ZFHX3: variants seen among roughly 807,000 people sequenced by gnomAD.
The protein encoded by ZFHX3 is zinc finger homeobox 3.
ZFHX3 carries 42 observed loss-of-function variants against 279.1 expected under a neutral mutation model. That is an observed-to-expected ratio of 0.15 (90% confidence interval 0.12 to 0.19). The LOEUF is 0.19. Among genes scored for constraint, ZFHX3 ranks in the 10% least tolerant of loss-of-function variants. The probability of loss-of-function intolerance (pLI) is 1.00; values close to 1 mark genes in which losing one functional copy is unlikely to be tolerated. For missense variants in ZFHX3, 4,981 were observed against 4,754.0 expected (o/e 1.05, Z -1.40); for synonymous variants, 2,293 against 1,957.8 (o/e 1.17, Z -4.52).
exon 1 of ZFHX3, chr16:73,059,419 GA>G (rs1965649308): frequency 6.7e-6 from 1 of 149,668 alleles, no homozygotes; most frequent in Admixed American, 6.7e-5. Flanking sequence ...CCGAGAAGTG[GA>G]ATGCATAGGA....
At chr16:73,638,596 T>C (rs929559523) in intron 2 of ZFHX3, among the ~76,000 whole-genome samples, 1 of 152,190 alleles carries the variant, frequency 6.6e-6, no homozygotes, top group African/African-American at 2.4e-5. Flanking sequence ...TTACATACAG[T>C]TTGCCTTCAA....
At chr16:73,391,247 A>G (rs1457702769) in intron 3 of ZFHX3, among the ~76,000 whole-genome samples, 2 of 152,096 alleles carry the variant, frequency 1.3e-5, no homozygotes, top group Non-Finnish European at 2.9e-5. Flanking sequence ...AGGCCAAGGC[A>G]TGCAGATGAG....
At chr16:73,458,633 G>C (rs1016265479) in intron 2 of ZFHX3, among the ~76,000 whole-genome samples, 1 of 151,994 alleles carries the variant, frequency 6.6e-6, no homozygotes, top group East Asian at 1.9e-4. Flanking sequence ...CTTTTGAACT[G>C]CTCTTTAGAC....
chr16:73,094,203 G>T (rs1160917941), intron 7 of ZFHX3, among the ~76,000 whole-genome samples: 1 of 152,096 alleles, frequency 6.6e-6, no homozygotes, highest in Non-Finnish European at 1.5e-5. Flanking sequence ...GGAAACACAG[G>T]CATAGTTTAG....
chr16:73,673,619 T>C (rs570130094), intron 2 of ZFHX3, among the ~76,000 whole-genome samples: 1 of 152,200 alleles, frequency 6.6e-6, no homozygotes, highest in African/African-American at 2.4e-5. Context: ...AAAATATATC[T>C]ACTGAGTTAC....
chr16:72,923,128 C>G (rs1959239850), intron 3 of ZFHX3, among the ~76,000 whole-genome samples: 1 of 152,030 alleles, frequency 6.6e-6, no homozygotes, highest in Non-Finnish European at 1.5e-5. Context: ...ATCTATCTGT[C>G]TACAACAAGA....
rs200704938 is a variant in ZFHX3, at chr16:72,920,427, T to C, written c.3216+30042A>G. Among the ~76,000 whole-genome samples the C allele has an allele frequency of 4.6e-5, 7 of 152,198 alleles. No individual in the cohort carries two copies. In the East Asian group the frequency reaches 1.2e-3, roughly 25 times the overall value. On this transcript the variant is annotated intron_variant, in intron 3 of 9. Transcript: ENST00000268489. ...CAGGTGCAGTGGCTCATGCCTGTAA[T>C]CCAAGCACTTTGGGAGGCCAAGGCG...
At chr16:73,702,867 TC>T (rs1205359761) in intron 1 of ZFHX3, among the ~76,000 whole-genome samples, 1 of 151,218 alleles carries the variant, frequency 6.6e-6, no homozygotes, top group Non-Finnish European at 1.5e-5. Context: ...ATAAAGAGAG[TC>T]CCCTTTCACC....
intron 6 of ZFHX3, among the ~76,000 whole-genome samples, chr16:73,143,509 C>T (rs974136603): frequency 2.6e-5 from 4 of 152,156 alleles, no homozygotes; most frequent in Non-Finnish European, 5.9e-5. Flanking sequence ...ATGCTGTTGT[C>T]TTGCAGCAAA....
At chr16:73,891,775 T>TCTC (rs2030547283) in exon 1 of ZFHX3, 1 of 144,002 alleles carries the variant, frequency 6.9e-6, no homozygotes, top group East Asian at 2.0e-4. Context: ...TCTCTCTCTC[T>TCTC]TCCTCCTCCT....
chr16:73,233,321 G>GA (rs1052974518), intron 5 of ZFHX3, among the ~76,000 whole-genome samples: 8 of 151,576 alleles, frequency 5.3e-5, no homozygotes, highest in African/African-American at 9.7e-5. Context: ...CATACATTGA[G>GA]AAAAAAAATG....
chr16:73,413,067 G>A (rs2017501911), intron 3 of ZFHX3, among the ~76,000 whole-genome samples: 1 of 152,224 alleles, frequency 6.6e-6, no homozygotes, highest in South Asian at 2.1e-4. Context: ...TGGGCACGAA[G>A]GTGGAAATGG....
intron 1 of ZFHX3, among the ~76,000 whole-genome samples, chr16:73,708,036 G>A (rs2053321802): frequency 6.7e-6 from 1 of 149,898 alleles, no homozygotes; most frequent in Admixed American, 6.7e-5. Context: ...TAATCCCTGT[G>A]GTTTTTGTGG....
chr16:72,800,240 G>A (rs2143485200), intron 7 of ZFHX3, 111 bp from the exon 8 acceptor site: 1 of 825,812 alleles, frequency 1.2e-6, no homozygotes, highest in Non-Finnish European at 2.0e-6. Flanking sequence ...TAAAGCTAGA[G>A]GTGTCTCACT....
intron 2 of ZFHX3, among the ~76,000 whole-genome samples, chr16:73,591,745 G>C (rs955978880): frequency 6.7e-6 from 1 of 150,098 alleles, no homozygotes; most frequent in Non-Finnish European, 1.5e-5. Flanking sequence ...GGAGGGATGG[G>C]GAATCTACAG....
chr16:72,917,460 G>T (rs1031405079), intron 3 of ZFHX3, among the ~76,000 whole-genome samples: 1 of 152,156 alleles, frequency 6.6e-6, no homozygotes, highest in Non-Finnish European at 1.5e-5. Flanking sequence ...ATCTATGAAC[G>T]TTTAATTTAT....
intron 1 of ZFHX3, among the ~76,000 whole-genome samples, chr16:73,878,940 G>GATGTATATATATAT (rs1288348948): frequency 2.1e-4 from 30 of 141,030 alleles, no homozygotes; most frequent in African/African-American, 7.2e-4. Context: ...AAAAAGATAA[G>GATGTATATATATAT]ATATATATAT....
At chr16:73,320,187 A>G (rs887247891) in intron 3 of ZFHX3, among the ~76,000 whole-genome samples, 5 of 152,202 alleles carry the variant, frequency 3.3e-5, no homozygotes, top group African/African-American at 1.2e-4. Flanking sequence ...GAAGGTAGAC[A>G]ATGAGTTTTG....
At chr16:73,039,537 A>C (rs1965036339) in intron 1 of ZFHX3, among the ~76,000 whole-genome samples, 1 of 152,208 alleles carries the variant, frequency 6.6e-6, no homozygotes, top group Admixed American at 6.5e-5. Context: ...CAAGGGAAGA[A>C]GGTGCTACTG....
Sources: allele counts gnomAD v4.1 joint callset (sites outside exome capture counted in the v4.1 genomes callset), GRCh38; gene constraint gnomAD v4.1.1; transcripts MANE v1.5; gene names NCBI Gene and HGNC (gene_info 2026-07-23, HGNC 2026-07-21).